The following TMEM131L variants were observed in gnomAD, a reference collection of about 807,000 sequenced individuals.
The protein encoded by TMEM131L is transmembrane 131 like, also known as transmembrane protein 131-like.
In TMEM131L, 54 loss-of-function variants were observed where a neutral mutation model predicts 192.2. That is an observed-to-expected ratio of 0.28 (90% CI 0.23 to 0.35). The LOEUF (loss-of-function observed/expected upper bound fraction) is 0.35, where lower values mean the gene tolerates loss of function less well. Among genes scored for constraint, TMEM131L ranks in the 10% least tolerant of loss-of-function variants. The probability of loss-of-function intolerance (pLI) is 1.00; values close to 1 mark genes in which losing one functional copy is unlikely to be tolerated. For synonymous variants in TMEM131L, 701 were observed against 704.9 expected (o/e 0.99, Z 0.09); for missense variants, 1,888 against 1,972.9 (o/e 0.96, Z 0.82).
At chr4:153,565,962 T>C (rs890055366) in intron 7 of TMEM131L, among the ~76,000 whole-genome samples, 10 of 152,190 alleles carry the variant, frequency 6.6e-5, no homozygotes, top group African/African-American at 2.2e-4. Flanking sequence ...AGTGTTTCAG[T>C]GACTTATTTG....
chr4:153,526,448 G>C (rs1005780834), intron 3 of TMEM131L, among the ~76,000 whole-genome samples: 5 of 152,082 alleles, frequency 3.3e-5, no homozygotes, highest in African/African-American at 1.2e-4. Context: ...GAAGCTTGCT[G>C]TCTTGGCCGG....
rs1204677897 is a variant in TMEM131L at position 153,620,554 on chromosome 4, T to C, written c.3568-202T>C. Among the ~76,000 whole-genome samples the C allele has an allele frequency of 2.0e-5, 3 of 152,232 alleles. No homozygotes were observed. The South Asian group carries it at 6.2e-4, about 31-fold the overall frequency. On this transcript the variant is annotated intron_variant, in intron 26 of 34. Transcript: ENST00000409959. ...TTAGGAATTTTATAGGCAACAATTCTTTTTTCTTCTTTTTCTGTGGAGCTT... is the reference window on the plus strand; with the variant it reads ...TTAGGAATTTTATAGGCAACAATTCCTTTTTCTTCTTTTTCTGTGGAGCTT...
intron 4 of TMEM131L, among the ~76,000 whole-genome samples, chr4:153,550,572 C>T (rs186656260): frequency 5.6e-4 from 85 of 152,300 alleles, no homozygotes; most frequent in Admixed American, 8.5e-4. Context: ...GTGATCCGCC[C>T]GCCTCGGCCT....
intron 2 of TMEM131L, among the ~76,000 whole-genome samples, chr4:153,469,295 TGGGCCCA>T (rs1730985180): frequency 9.1e-6 from 1 of 110,104 alleles, no homozygotes; most frequent in African/African-American, 5.8e-5. Flanking sequence ...TGCTTATACC[TGGGCCCA>T]AGGGTAAGGG....
chr4:153,484,281 T>G (rs955084270), intron 3 of TMEM131L, among the ~76,000 whole-genome samples: 2 of 152,178 alleles, frequency 1.3e-5, no homozygotes, highest in African/African-American at 4.8e-5. Flanking sequence ...GTCTAGGCAG[T>G]ATTTTACAGA....
chr4:153,610,679 G>A (rs773470828), intron 25 of TMEM131L, among the ~76,000 whole-genome samples: 1 of 152,162 alleles, frequency 6.6e-6, no homozygotes, highest in African/African-American at 2.4e-5. Context: ...TATGTATCTT[G>A]CTTTGAGTGA....
chr4:153,484,901 C>T (rs1332212705), intron 3 of TMEM131L, among the ~76,000 whole-genome samples: 3 of 146,460 alleles, frequency 2.0e-5, no homozygotes, highest in East Asian at 2.0e-4. Flanking sequence ...GGGCGGATCA[C>T]GAGGTCAGGA....
rs905522576 is a variant in TMEM131L, at chr4:153,636,656, T to C, written c.*80T>C. 1.4e-6 allele frequency: 2 copies of C among 1,386,162 alleles called. No individual in the cohort carries two copies. The highest frequency in any genetic ancestry group is 2.9e-5 in the African/African-American group (2 of 69,086). The allele number at this position is 1,386,162 out of a possible 1,614,324, so 85.9% of individuals were successfully genotyped here. On this transcript the variant is annotated 3_prime_UTR_variant, in exon 35 of 35. Transcript: ENST00000409959. ...GTGTAAACTGGTTATTGAGATAGAT[T>C]ATGACATTGGTGGATATTTTGGCAC...
chr4:153,591,254 A>G (rs1731047335), intron 17 of TMEM131L, 60 bp downstream of exon 17: 1 of 1,469,836 alleles, frequency 6.8e-7, no homozygotes, highest in Non-Finnish European at 9.1e-7. Flanking sequence ...TGGGTTTTCA[A>G]AGTACCAGAT....
intron 4 of TMEM131L, among the ~76,000 whole-genome samples, chr4:153,551,460 C>T (rs115636510): frequency 0.021 from 3,210 of 151,896 alleles, 131 homozygotes; most frequent in African/African-American, 0.073. Context: ...TGGGTTCAAA[C>T]GATTCTCCTG....
At chr4:153,527,260 A>G (rs374798969) in intron 3 of TMEM131L, among the ~76,000 whole-genome samples, 2 of 150,052 alleles carry the variant, frequency 1.3e-5, no homozygotes, top group Non-Finnish European at 2.9e-5. Context: ...TTGTTGCCAA[A>G]TCTTCAGTTT....
intron 26 of TMEM131L, among the ~76,000 whole-genome samples, chr4:153,613,711 G>A (rs571355008): frequency 5.1e-4 from 77 of 152,044 alleles, no homozygotes; most frequent in African/African-American, 1.8e-3. Context: ...CTGTACTGCC[G>A]TTCTTTCATG....
intron 19 of TMEM131L, 30 bp downstream of exon 19, chr4:153,593,901 A>C (rs775953175): frequency 1.4e-6 from 2 of 1,472,618 alleles, no homozygotes; most frequent in Middle Eastern, 1.7e-4. Context: ...CAGAAAAAAG[A>C]ATGCCGACAA....
intron 3 of TMEM131L, among the ~76,000 whole-genome samples, chr4:153,532,655 C>CT (rs1157112902): frequency 6.8e-5 from 10 of 147,562 alleles, no homozygotes; most frequent in East Asian, 2.0e-4. Flanking sequence ...GACACTTTTT[C>CT]TTTTTTTTTT....
intron 3 of TMEM131L, among the ~76,000 whole-genome samples, chr4:153,525,951 G>A (rs1031099659): frequency 1.3e-5 from 2 of 151,958 alleles, no homozygotes; most frequent in African/African-American, 4.8e-5. Flanking sequence ...CTGCCTCCCG[G>A]GTTCAAGTGA....
intron 4 of TMEM131L, among the ~76,000 whole-genome samples, chr4:153,551,935 G>A (rs1455749270): frequency 6.6e-6 from 1 of 152,030 alleles, no homozygotes; most frequent in Non-Finnish European, 1.5e-5. Context: ...GAGGCTGAGC[G>A]CGGTGGCTCA....
intron 3 of TMEM131L, among the ~76,000 whole-genome samples, chr4:153,480,328 G>T (rs574031961): frequency 6.6e-6 from 1 of 151,352 alleles, no homozygotes; most frequent in East Asian, 2.0e-4. Context: ...GACAGAGCGA[G>T]ACTCCGTCTC....
At chr4:153,597,070 TGTA>T (rs2150899053) in intron 20 of TMEM131L, among the ~76,000 whole-genome samples, 1 of 152,272 alleles carries the variant, frequency 6.6e-6, no homozygotes, top group South Asian at 2.1e-4. Flanking sequence ...TTTCAAAACT[TGTA>T]GTATCAGATC....
At chr4:153,494,204 G>GT (rs1732998229) in intron 3 of TMEM131L, among the ~76,000 whole-genome samples, 1 of 152,172 alleles carries the variant, frequency 6.6e-6, no homozygotes, top group South Asian at 2.1e-4. Flanking sequence ...GGAATTTGTA[G>GT]TTGGCATCGC....
Sources: allele counts gnomAD v4.1 joint callset (sites outside exome capture counted in the v4.1 genomes callset), GRCh38; gene constraint gnomAD v4.1.1; transcripts MANE v1.5; gene names NCBI Gene and HGNC (gene_info 2026-07-23, HGNC 2026-07-21).